The following ITGBL1 variants were observed in gnomAD, a reference collection of about 807,000 sequenced individuals.
The protein encoded by ITGBL1 is integrin subunit beta like 1.
Under a neutral mutation model 68.5 loss-of-function variants are expected in ITGBL1, and 51 were observed. The observed-to-expected ratio is 0.74, with a 90% CI of 0.59 to 0.94. The LOEUF (loss-of-function observed/expected upper bound fraction) is 0.94, where lower values mean the gene tolerates loss of function less well. Among genes scored for constraint, ITGBL1 ranks in the 40% least tolerant of loss-of-function variants. The pLI is 0.00. For missense variants in ITGBL1, 649 were observed against 647.4 expected (o/e 1.00, Z -0.03); for synonymous variants, 209 against 227.3 (o/e 0.92, Z 0.72).
intron 2 of ITGBL1, among the ~76,000 whole-genome samples, chr13:101,565,813 T>C (rs1451808369): frequency 1.3e-5 from 2 of 152,134 alleles, no homozygotes; most frequent in Non-Finnish European, 2.9e-5. Flanking sequence ...TGAGCCTCCA[T>C]GAACCCACTT....
chr13:101,632,187 A>C (rs1418794667), intron 7 of ITGBL1, among the ~76,000 whole-genome samples: 1 of 152,102 alleles, frequency 6.6e-6, no homozygotes, highest in East Asian at 1.9e-4. Flanking sequence ...TATACCTAAA[A>C]TATATAAACC....
chr13:101,475,704 A>G (rs1297747499), intron 2 of ITGBL1, among the ~76,000 whole-genome samples: 1 of 151,918 alleles, frequency 6.6e-6, no homozygotes, highest in Non-Finnish European at 1.5e-5. Flanking sequence ...GTAACATTCA[A>G]AGGAACTCCA....
intron 2 of ITGBL1, among the ~76,000 whole-genome samples, chr13:101,535,986 T>C (rs556077607): frequency 6.6e-6 from 1 of 152,202 alleles, no homozygotes; most frequent in Admixed American, 6.6e-5. Flanking sequence ...ATTTTGTGTT[T>C]GATCCTCAAT....
chr13:101,714,256 T>G lies in ITGBL1; in HGVS notation c.1280-182T>G. 4 of 595,626 alleles carry G rather than the reference T, an allele frequency of 6.7e-6. No homozygotes were observed. The South Asian group carries it at 8.2e-5, about 12-fold the overall frequency. The allele number at this position is 595,626 out of a possible 1,614,324, so 36.9% of individuals were successfully genotyped here. A position where few individuals can be genotyped will look rare whatever the true frequency, so the allele number is the denominator to read the frequency against. The stretch of plus-strand genomic sequence containing the variant: ...TCTAGATCCATAATGAAGGCTTTCC[T>G]GGGTGACCTTTATGAATTACAGTAA... On this transcript the variant is annotated intron_variant, in intron 9 of 10. Coordinates refer to ENST00000376180, the MANE Select transcript of ITGBL1 (RefSeq NM_004791.3).
chr13:101,503,259 A>G (rs2048972900), intron 2 of ITGBL1, among the ~76,000 whole-genome samples: 1 of 151,996 alleles, frequency 6.6e-6, no homozygotes, highest in Non-Finnish European at 1.5e-5. Flanking sequence ...ATCTTTCCTA[A>G]CCCTCTATTC....
chr13:101,509,916 C>T (rs1220198393), intron 2 of ITGBL1, among the ~76,000 whole-genome samples: 1 of 151,926 alleles, frequency 6.6e-6, no homozygotes, highest in African/African-American at 2.4e-5. Context: ...TTACTTAATT[C>T]AACAGAGTGC....
At chr13:101,563,993 G>A (rs2050140770) in intron 2 of ITGBL1, among the ~76,000 whole-genome samples, 1 of 151,748 alleles carries the variant, frequency 6.6e-6, no homozygotes, top group African/African-American at 2.4e-5. Flanking sequence ...ATGCAAGGCT[G>A]GTACAACATT....
chr13:101,659,039 A>ATTTTTT (rs55935871), intron 7 of ITGBL1, among the ~76,000 whole-genome samples: 12 of 103,840 alleles, frequency 1.2e-4, no homozygotes, highest in East Asian at 3.3e-4. Flanking sequence ...TGGTGATTGA[A>ATTTTTT]TTTTTTTTTT....
chr13:101,679,776 T>G (rs968454481), intron 7 of ITGBL1, among the ~76,000 whole-genome samples: 1 of 152,208 alleles, frequency 6.6e-6, no homozygotes, highest in Non-Finnish European at 1.5e-5. Flanking sequence ...CTAAATGACC[T>G]CCTCTGTGAT....
At chr13:101,453,781 A>G (rs749094755) in intron 1 of ITGBL1, 102 bp from the exon 2 acceptor site, 55 of 690,798 alleles carry the variant, frequency 8.0e-5, no homozygotes, top group Non-Finnish European at 1.0e-4. Context: ...TTGGGGTTGT[A>G]CGTCTGCACC....
At chr13:101,562,233 A>G (rs992917118) in intron 2 of ITGBL1, among the ~76,000 whole-genome samples, 1 of 151,214 alleles carries the variant, frequency 6.6e-6, no homozygotes, top group Non-Finnish European at 1.5e-5. Flanking sequence ...AATAGAATAA[A>G]AAATAATGCT....
chr13:101,594,346 C>T (rs113163743), intron 6 of ITGBL1, among the ~76,000 whole-genome samples: 17 of 151,994 alleles, frequency 1.1e-4, no homozygotes, highest in South Asian at 4.2e-4. Context: ...ACAGTTTATT[C>T]GATAAATGGT....
intron 2 of ITGBL1, among the ~76,000 whole-genome samples, chr13:101,520,578 G>A (rs1285172466): frequency 2.6e-5 from 4 of 152,172 alleles, no homozygotes; most frequent in African/African-American, 9.6e-5. Context: ...GGAGGTGATG[G>A]AATCCAATCA....
chr13:101,689,210 C>CAAAAAAAAAAAAAAAAAAA (rs1594982184), intron 7 of ITGBL1, among the ~76,000 whole-genome samples: 1 of 4,788 alleles, frequency 2.1e-4, no homozygotes, highest in Non-Finnish European at 4.4e-4. Context: ...AAGACTCTGC[C>CAAAAAAAAAAAAAAAAAAA]TAAAAAAAAA....
intron 2 of ITGBL1, among the ~76,000 whole-genome samples, chr13:101,487,647 C>T (rs2048719609): frequency 6.6e-6 from 1 of 152,130 alleles, no homozygotes; most frequent in Non-Finnish European, 1.5e-5. Flanking sequence ...GTTTCCTAAG[C>T]CCCTTTTCCG....
At chr13:101,659,502 G>A (rs769020845) in intron 7 of ITGBL1, among the ~76,000 whole-genome samples, 7 of 151,450 alleles carry the variant, frequency 4.6e-5, no homozygotes, top group African/African-American at 7.2e-5. Context: ...GGTACCAGCC[G>A]AAGTATACAT....
intron 8 of ITGBL1, among the ~76,000 whole-genome samples, chr13:101,702,129 AT>A (rs1307766257): frequency 1.3e-5 from 2 of 152,212 alleles, no homozygotes; most frequent in Non-Finnish European, 2.9e-5. Flanking sequence ...GATCCAGGTT[AT>A]CAGATTCTTG....
intron 2 of ITGBL1, among the ~76,000 whole-genome samples, chr13:101,550,139 GA>G (rs1185019384): frequency 6.6e-6 from 1 of 152,162 alleles, no homozygotes; most frequent in African/African-American, 2.4e-5. Flanking sequence ...GATATTGGGA[GA>G]AAATTCTCCA....
intron 2 of ITGBL1, among the ~76,000 whole-genome samples, chr13:101,520,347 G>A (rs2049265288): frequency 1.3e-5 from 2 of 152,084 alleles, no homozygotes; most frequent in Non-Finnish European, 2.9e-5. Context: ...CCAATTATTA[G>A]CAGTGCTTTT....
Sources: allele counts gnomAD v4.1 joint callset (sites outside exome capture counted in the v4.1 genomes callset), GRCh38; gene constraint gnomAD v4.1.1; transcripts MANE v1.5; gene names NCBI Gene and HGNC (gene_info 2026-07-23, HGNC 2026-07-21).